Variants in OSBPL3 observed in about 807,000 individuals in gnomAD.
OSBPL3 encodes oxysterol-binding protein-related protein 3.
A neutral mutation model predicts 120.1 loss-of-function variants in OSBPL3; 65 were observed. That is an observed-to-expected ratio of 0.54 (90% CI 0.44 to 0.67). The LOEUF (loss-of-function observed/expected upper bound fraction) is 0.67, where lower values mean the gene tolerates loss of function less well. Ranked by LOEUF, OSBPL3 falls within the 30% of genes least tolerant of loss-of-function variation. The pLI is 0.00. For synonymous variants in OSBPL3, 416 were observed against 402.6 expected, an observed-to-expected ratio of 1.03 and a Z score of -0.40; for missense variants, 1,004 against 1,082.1, an observed-to-expected ratio of 0.93 and a Z score of 1.01.
intron 1 of OSBPL3, among the ~76,000 whole-genome samples, chr7:24,903,059 AG>A (rs1807302650): frequency 2.0e-5 from 3 of 152,228 alleles, no homozygotes; most frequent in Admixed American, 2.0e-4. Flanking sequence ...CAGTAAGACA[AG>A]GTGCTGCTGG....
intron 10 of OSBPL3, among the ~76,000 whole-genome samples, chr7:24,856,345 G>C (rs779668860): frequency 6.6e-6 from 1 of 152,034 alleles, no homozygotes; most frequent in African/African-American, 2.4e-5. Context: ...AGTTAGTACA[G>C]TGAGACTATA....
At chr7:24,960,676 G>A (rs1327398934) in intron 1 of OSBPL3, among the ~76,000 whole-genome samples, 1 of 152,184 alleles carries the variant, frequency 6.6e-6, no homozygotes, top group African/African-American at 2.4e-5. Flanking sequence ...AAGATGTGAA[G>A]TCTAGGTGAC....
upstream of OSBPL3, among the ~76,000 whole-genome samples, chr7:24,981,185 T>A (rs1021330665): frequency 6.6e-6 from 1 of 152,142 alleles, no homozygotes; most frequent in Non-Finnish European, 1.5e-5. The surrounding 1 kb of genome is among the most constrained non-coding windows in gnomAD (Gnocchi z 7.3). Flanking sequence ...GCTGACAGAC[T>A]GTTAGTACTG....
chr7:24,978,721 T>C (rs1376659197), intron 1 of OSBPL3, among the ~76,000 whole-genome samples: 4 of 152,200 alleles, frequency 2.6e-5, no homozygotes, highest in Non-Finnish European at 5.9e-5. Context: ...TAGTTTAAAA[T>C]ATTTCTAAAT....
intron 1 of OSBPL3, among the ~76,000 whole-genome samples, chr7:24,979,618 C>A (rs1383386590): frequency 7.9e-5 from 12 of 152,174 alleles, no homozygotes. Flanking sequence ...CTCGGCTCCT[C>A]CTGGCGGTCA....
chr7:24,834,093 T>A lies in OSBPL3; in HGVS notation c.1746+393A>T. 1.0e-6 allele frequency: 1 copy of A among 994,314 alleles called. No homozygotes were observed. Among genetic ancestry groups the A allele is most frequent in the South Asian group, 4.7e-5 (1 of 21,336 alleles). The allele number at this position is 994,314 out of a possible 1,614,324, so 61.6% of individuals were successfully genotyped here. ...ATTCTCAGGGGAAACTTACCCTGGA[T>A]GAGAAAAACAGCTCGAGAAATTAAA... On this transcript the variant is annotated intron_variant, in intron 15 of 22. Transcript: ENST00000313367. This position sits in a 1 kb window ranked among gnomAD's most constrained non-coding sequence, Gnocchi z 5.2.
At chr7:24,923,132 C>T (rs10486440) in intron 1 of OSBPL3, among the ~76,000 whole-genome samples, 34,651 of 152,088 alleles carry the variant, frequency 0.23, 4,329 homozygotes, top group East Asian at 0.51. Flanking sequence ...TAGTTTCCAT[C>T]AATCACAATA....
rs1211661655 is a variant in OSBPL3, at chr7:24,967,017, G to C, written c.-150+12869C>G. Among the ~76,000 whole-genome samples the C allele has an allele frequency of 1.3e-5, 2 of 152,114 alleles. No individual in the cohort carries two copies. Among genetic ancestry groups the C allele is most frequent in the Admixed American group, 1.3e-4 (2 of 15,282 alleles). On this transcript the variant is annotated intron_variant, in intron 1 of 22. Coordinates refer to ENST00000313367, the MANE Select transcript of OSBPL3 (RefSeq NM_015550.4). This position sits in a 1 kb window ranked among gnomAD's most constrained non-coding sequence, Gnocchi z 5.6. ...ATACACTGCCACACAGGCAAATTCA[G>C]CTTAAGAGACTGAATTTGCATGAGC... is the stretch of plus-strand genomic sequence containing the variant.
rs912785602 is a variant in OSBPL3 at position 24,871,232 on chromosome 7, A to G, written c.268-387T>C. ...TAAATTCATTTAGAAGTGATGTATT[A>G]ATAAAAGAAGTGAGAGCAGAAGGCT... is the stretch of plus-strand genomic sequence containing the variant. On this transcript the variant is annotated intron_variant, in intron 4 of 22. Transcript: ENST00000313367. This position sits in a 1 kb window ranked among gnomAD's most constrained non-coding sequence, Gnocchi z 4.8. 2.0e-5 allele frequency among the ~76,000 whole-genome samples: 3 copies of G among 152,198 alleles called. No individual in the cohort carries two copies. The highest frequency in any genetic ancestry group is 7.2e-5 in the African/African-American group (3 of 41,446).
chr7:24,833,690 C>T lies in OSBPL3; in HGVS notation c.1746+796G>A, dbSNP rs1796657888. Among the ~76,000 whole-genome samples, 1 of 152,194 alleles carries T rather than the reference C, an allele frequency of 6.6e-6. No homozygotes were observed. Among genetic ancestry groups the T allele is most frequent in the Non-Finnish European group, 1.5e-5 (1 of 68,042 alleles). On this transcript the variant is annotated intron_variant, in intron 15 of 22. Coordinates refer to ENST00000313367, the MANE Select transcript of OSBPL3 (RefSeq NM_015550.4). The surrounding 1 kb of genome is among the most constrained non-coding windows in gnomAD (Gnocchi z 4.4). ...GCATCCCATAGAGACAATGACCTTA[C>T]TGCTCTAAGGTCACTGAATATAAGG...
In OSBPL3 at chr7:24,932,498, T is replaced by G. The variant is rs1396631688; in HGVS notation, c.-149-39877A>C. Among the ~76,000 whole-genome samples the G allele has an allele frequency of 6.6e-6, 1 of 152,136 alleles. No homozygotes were observed. The highest frequency in any genetic ancestry group is 1.5e-5 in the Non-Finnish European group (1 of 68,024). ...AACCTAGTCACCAATTTGATGGCAT[T>G]GGGATGTGGGGTCTTTGGGAGGTGA... is the stretch of plus-strand genomic sequence containing the variant. On this transcript the variant is annotated intron_variant, in intron 1 of 22. Coordinates refer to ENST00000313367, the MANE Select transcript of OSBPL3 (RefSeq NM_015550.4). This position sits in a 1 kb window ranked among gnomAD's most constrained non-coding sequence, Gnocchi z 5.6.
In OSBPL3 at chr7:24,804,181, AC is replaced by A; in HGVS notation, c.2567+133del. 1 of 1,001,668 alleles carries A rather than the reference AC, an allele frequency of 1.0e-6. No homozygotes were observed. Among genetic ancestry groups the A allele is most frequent in the South Asian group, 1.5e-5 (1 of 66,332 alleles). 62.0% of individuals were successfully genotyped at this position (1,001,668 alleles called of 1,614,324 possible). A position where few individuals can be genotyped will look rare whatever the true frequency, so the allele number is the denominator to read the frequency against. On this transcript the variant is annotated intron_variant, in intron 22 of 22. Coordinates refer to ENST00000313367, the MANE Select transcript of OSBPL3 (RefSeq NM_015550.4). This position sits in a 1 kb window ranked among gnomAD's most constrained non-coding sequence, Gnocchi z 5.4. ...ACAGGGCCTGGCACAGAGGAGCAGT[AC>A]CCCCACGTGGAAGCAGGAAAAGCCT...
intron 2 of OSBPL3, among the ~76,000 whole-genome samples, chr7:24,886,954 C>A (rs140607837): frequency 3.9e-5 from 6 of 152,188 alleles, no homozygotes; most frequent in Non-Finnish European, 7.3e-5. Flanking sequence ...CATTTTCAGG[C>A]ATTTTATTTG....
chr7:24,928,102 G>C (rs1002028329), intron 1 of OSBPL3, among the ~76,000 whole-genome samples: 1 of 151,724 alleles, frequency 6.6e-6, no homozygotes, highest in Non-Finnish European at 1.5e-5. Context: ...CTCCCCCTTC[G>C]CCTTCTGCCA....
rs143647131 is a variant in OSBPL3 at position 24,894,914 on chromosome 7, T to A, written c.-149-2293A>T. 1.3e-5 allele frequency among the ~76,000 whole-genome samples: 2 copies of A among 152,110 alleles called. No individual in the cohort carries two copies. Among genetic ancestry groups the A allele is most frequent in the African/African-American group, 4.8e-5 (2 of 41,416 alleles). On this transcript the variant is annotated intron_variant, in intron 1 of 22. Transcript: ENST00000313367. The surrounding 1 kb of genome is among the most constrained non-coding windows in gnomAD (Gnocchi z 4.1). ...CCAGGACTTAGTAGGCCAAATCCAA[T>A]AGCTATCAAAGTTGGCACTTAGAGC... is the stretch of plus-strand genomic sequence containing the variant.
At position 24,804,604 on chromosome 7, in the gene OSBPL3, AT is replaced by A. The variant is rs1353706262; in HGVS notation, c.2445-168del. On this transcript the variant is annotated intron_variant, in intron 21 of 22. Coordinates refer to ENST00000313367, the MANE Select transcript of OSBPL3 (RefSeq NM_015550.4). The surrounding 1 kb of genome is among the most constrained non-coding windows in gnomAD (Gnocchi z 5.4). ...GTATCTTGAAGTAGTCAGAGAAGAT[AT>A]TTTTTTGAATTGGTGATATTTACAT... Among the ~76,000 whole-genome samples the A allele has an allele frequency of 6.6e-6, 1 of 152,192 alleles. No individual in the cohort carries two copies. The highest frequency in any genetic ancestry group is 2.1e-4 in the South Asian group (1 of 4,828).
Position 24,806,990 on chromosome 7 carries a change from TA to T in OSBPL3, c.2318-89del. ...TTCACCTTTTTCGTCTCAGCCTAGCTACAATTTTTCTCTCTCAGCTCCCTTC... is the reference window on the plus strand; with the variant it reads ...TTCACCTTTTTCGTCTCAGCCTAGCTCAATTTTTCTCTCTCAGCTCCCTTC... On this transcript the variant is annotated intron_variant, in intron 20 of 22. Transcript: ENST00000313367. This position sits in a 1 kb window ranked among gnomAD's most constrained non-coding sequence, Gnocchi z 5.2. 8.1e-7 allele frequency: 1 copy of T among 1,233,636 alleles called. No homozygotes were observed. The highest frequency in any genetic ancestry group is 2.4e-5 in the East Asian group (1 of 40,940). The allele number at this position is 1,233,636 out of a possible 1,614,324, so 76.4% of individuals were successfully genotyped here.
rs1206932033 is a variant in OSBPL3, at chr7:24,862,645, T to G, written c.870+555A>C. On this transcript the variant is annotated intron_variant, in intron 9 of 22. Coordinates refer to ENST00000313367, the MANE Select transcript of OSBPL3 (RefSeq NM_015550.4). This position sits in a 1 kb window ranked among gnomAD's most constrained non-coding sequence, Gnocchi z 4.4. ...TGCAATTAATATGCAACAGTTAAGC[T>G]GCAAATCTTGGCCTGTGGCTTAGCT... is the stretch of plus-strand genomic sequence containing the variant. Among the ~76,000 whole-genome samples the G allele has an allele frequency of 6.6e-6, 1 of 152,176 alleles. No homozygotes were observed. Among genetic ancestry groups the G allele is most frequent in the Non-Finnish European group, 1.5e-5 (1 of 68,038 alleles).
Position 24,872,079 on chromosome 7 carries a change from CAA to C in OSBPL3, c.97-12_97-11del. 1 of 1,525,048 alleles carries C rather than the reference CAA, an allele frequency of 6.6e-7. No homozygotes were observed. The highest frequency in any genetic ancestry group is 9.1e-7 in the Non-Finnish European group (1 of 1,099,260). 94.5% of individuals were successfully genotyped at this position (1,525,048 alleles called of 1,614,324 possible). ...CCACTTCCCAGCTGTCCTGTTCCAA[CAA>C]AAGAGTTCATGTTAAATGTCTATCT... is the stretch of plus-strand genomic sequence containing the variant. On this transcript the variant is annotated splice_polypyrimidine_tract_variant and intron_variant, in intron 2 of 22. Coordinates refer to ENST00000313367, the MANE Select transcript of OSBPL3 (RefSeq NM_015550.4). The surrounding 1 kb of genome is among the most constrained non-coding windows in gnomAD (Gnocchi z 4.1).
Sources: gnomAD v4.1 joint callset for allele counts (sites outside exome capture counted in the v4.1 genomes callset) on GRCh38, gnomAD v4.1.1 for gene constraint, Gnocchi (gnomAD v3.1) non-coding constraint, MANE v1.5 for transcripts, NCBI Gene and HGNC (gene_info 2026-07-23, HGNC 2026-07-21) for gene names.